RTN4RL1: variants seen among roughly 807,000 people sequenced by gnomAD.
The protein encoded by RTN4RL1 is reticulon-4 receptor-like 1.
RTN4RL1 carries 7 observed loss-of-function variants against 25.6 expected under a neutral mutation model. The ratio of observed to expected loss-of-function variants is 0.27; its 90% confidence interval spans 0.16 to 0.51. The LOEUF (loss-of-function observed/expected upper bound fraction) is 0.51, where lower values mean the gene tolerates loss of function less well. Ranked by LOEUF, RTN4RL1 falls within the 20% of genes least tolerant of loss-of-function variation. RTN4RL1 has a pLI of 0.97. For missense variants in RTN4RL1, 500 were observed against 615.6 expected (o/e 0.81, Z 1.99); for synonymous variants, 297 against 288.2 (o/e 1.03, Z -0.31).
chr17:2,021,657 C>A (rs2067205189), intron 1 of RTN4RL1, among the ~76,000 whole-genome samples: 1 of 146,656 alleles, frequency 6.8e-6, no homozygotes, highest in South Asian at 2.2e-4. Flanking sequence ...CGGGTTCAAG[C>A]AATTCTCCTG....
intron 1 of RTN4RL1, among the ~76,000 whole-genome samples, chr17:2,014,850 G>A (rs1324230348): frequency 6.7e-6 from 1 of 149,992 alleles, no homozygotes; most frequent in Non-Finnish European, 1.5e-5. Flanking sequence ...AAAAAAAAAA[G>A]AACATGATTC....
chr17:2,005,886 A>G (rs7217107), intron 1 of RTN4RL1, among the ~76,000 whole-genome samples: 52,496 of 141,612 alleles, frequency 0.37, 9,655 homozygotes, highest in East Asian at 0.57. Flanking sequence ...AACCTCCGCC[A>G]CCCGGGTTCC....
chr17:1,939,643 C>A (rs139948860), intron 1 of RTN4RL1, among the ~76,000 whole-genome samples: 2 of 152,192 alleles, frequency 1.3e-5, no homozygotes, highest in Admixed American at 6.5e-5. Context: ...ATTAGGCATT[C>A]GTTAATGGAT....
chr17:1,989,454 C>T (rs1048188568), intron 1 of RTN4RL1, among the ~76,000 whole-genome samples: 8 of 152,078 alleles, frequency 5.3e-5, no homozygotes, highest in Non-Finnish European at 7.4e-5. Context: ...ACTGCGAGCA[C>T]GCTGGAGGGG....
At chr17:2,013,557 C>T (rs1035622657) in intron 1 of RTN4RL1, among the ~76,000 whole-genome samples, 1 of 151,648 alleles carries the variant, frequency 6.6e-6, no homozygotes, top group Non-Finnish European at 1.5e-5. Flanking sequence ...CATAAATACC[C>T]CTGCTCCCTC....
chr17:1,939,149 G>A (rs373967427), intron 1 of RTN4RL1, among the ~76,000 whole-genome samples: 34 of 151,960 alleles, frequency 2.2e-4, no homozygotes, highest in Admixed American at 1.0e-3. Context: ...TCAGGAGATC[G>A]AGACCATCCT....
Position 1,998,619 on chromosome 17 carries a change from G to A in RTN4RL1, c.13+26234C>T, listed in dbSNP as rs967483667. ...GGCGGAGGGTGGGGGACGTGGGGCC[G>A]GCTCGCCTCCTCCTGGGCTCGCCGG... is the stretch of plus-strand genomic sequence containing the variant. On this transcript the variant is annotated intron_variant, in intron 1 of 1. Transcript: ENST00000331238. This position sits in a 1 kb window ranked among gnomAD's most constrained non-coding sequence, Gnocchi z 4.9. 1.3e-5 allele frequency among the ~76,000 whole-genome samples: 2 copies of A among 152,086 alleles called. No individual in the cohort carries two copies. The highest frequency in any genetic ancestry group is 4.8e-5 in the African/African-American group (2 of 41,440).
chr17:2,009,276 A>G (rs1203396647), intron 1 of RTN4RL1, among the ~76,000 whole-genome samples: 1 of 152,122 alleles, frequency 6.6e-6, no homozygotes, highest in Non-Finnish European at 1.5e-5. Context: ...CCTGGTCAAC[A>G]AGGGGAAACC....
At chr17:1,942,552 C>T (rs538504769) in intron 1 of RTN4RL1, among the ~76,000 whole-genome samples, 4 of 152,226 alleles carry the variant, frequency 2.6e-5, no homozygotes, top group South Asian at 2.1e-4. Context: ...AACATTGTTC[C>T]GTCACCTCCT....
chr17:2,023,501 G>A (rs1432615896), intron 1 of RTN4RL1: 1 of 152,250 alleles, frequency 6.6e-6, no homozygotes, highest in East Asian at 1.9e-4. Context: ...CAGGACGACG[G>A]GGCAACTCAG....
intron 1 of RTN4RL1, among the ~76,000 whole-genome samples, chr17:2,002,699 GTCTC>G (rs1352225468): frequency 1.3e-5 from 2 of 151,176 alleles, no homozygotes; most frequent in African/African-American, 2.4e-5. Context: ...CCCCACGCCC[GTCTC>G]TCTCTGTTGA....
At chr17:1,985,935 C>T (rs1017977442) in intron 1 of RTN4RL1, among the ~76,000 whole-genome samples, 10 of 152,092 alleles carry the variant, frequency 6.6e-5, no homozygotes, top group South Asian at 2.1e-4. Flanking sequence ...CAAGCTGCCC[C>T]GCCTCTCAGC....
At chr17:1,971,024 G>A (rs964624816) in intron 1 of RTN4RL1, among the ~76,000 whole-genome samples, 1 of 152,162 alleles carries the variant, frequency 6.6e-6, no homozygotes, top group African/African-American at 2.4e-5. Context: ...GGCACATTGT[G>A]TACATTACCC....
At chr17:1,947,073 C>T (rs984452916) in intron 1 of RTN4RL1, among the ~76,000 whole-genome samples, 3 of 128,062 alleles carry the variant, frequency 2.3e-5, no homozygotes, top group Non-Finnish European at 3.3e-5. Context: ...TGTGTGTGCA[C>T]GGGGTCTGTG....
intron 1 of RTN4RL1, among the ~76,000 whole-genome samples, chr17:1,947,033 T>TG (rs1567505957): frequency 5.3e-4 from 28 of 53,166 alleles, no homozygotes; most frequent in African/African-American, 1.3e-3. Flanking sequence ...TGTGTGCACA[T>TG]GTGTCTGTGT....
chr17:2,009,591 C>CA (rs528797675), intron 1 of RTN4RL1, among the ~76,000 whole-genome samples: 1,580 of 65,476 alleles, frequency 0.024, 229 homozygotes, highest in Middle Eastern at 0.074. Flanking sequence ...GACTCCGTCT[C>CA]AAAAAAAAAA....
chr17:2,023,706 G>T (rs1040423718), intron 1 of RTN4RL1: 1 of 5,314 alleles, frequency 1.9e-4, no homozygotes, highest in African/African-American at 7.9e-4. Flanking sequence ...CCCCCTCCCC[G>T]TGCGCGTTTT....
intron 1 of RTN4RL1, among the ~76,000 whole-genome samples, chr17:1,980,886 CA>C (rs2066864306): frequency 7.1e-6 from 1 of 140,680 alleles, no homozygotes; most frequent in Admixed American, 7.5e-5. Flanking sequence ...GAGATCACAC[CA>C]CTGCACTTCA....
At chr17:1,961,224 G>A (rs761614057) in intron 1 of RTN4RL1, among the ~76,000 whole-genome samples, 30 of 152,174 alleles carry the variant, frequency 2.0e-4, no homozygotes, top group Non-Finnish European at 3.8e-4. Context: ...AAGCGGTGCT[G>A]CTGGGGAGGG....
Sources: allele counts gnomAD v4.1 joint callset (sites outside exome capture counted in the v4.1 genomes callset), GRCh38; gene constraint gnomAD v4.1.1; non-coding constraint Gnocchi (gnomAD v3.1); transcripts MANE v1.5; gene names NCBI Gene and HGNC (gene_info 2026-07-23, HGNC 2026-07-21).